LRRC4C: variants seen among roughly 807,000 people sequenced by gnomAD.
LRRC4C encodes leucine rich repeat containing 4C, also known as leucine-rich repeat-containing protein 4C.
In LRRC4C, 5 loss-of-function variants were observed where a neutral mutation model predicts 33.6. The ratio of observed to expected loss-of-function variants is 0.15; its 90% CI spans 0.08 to 0.31. LRRC4C has a LOEUF of 0.31. LRRC4C is among the 10% of genes least tolerant of loss of function. The pLI, the probability that LRRC4C is intolerant of heterozygous loss-of-function variation, is 1.00. For synonymous variants in LRRC4C, 329 were observed against 302.0 expected (o/e 1.09, Z -0.93); for missense variants, 560 against 796.7 (o/e 0.70, Z 3.58).
intron 2 of LRRC4C, among the ~76,000 whole-genome samples, chr11:40,811,589 C>T (rs1261282824): frequency 6.6e-6 from 1 of 152,144 alleles, no homozygotes; most frequent in Non-Finnish European, 1.5e-5. Flanking sequence ...CCTCTGCCTC[C>T]TGGATTCAAG....
chr11:40,559,855 C>A (rs571044441), intron 3 of LRRC4C, among the ~76,000 whole-genome samples: 1 of 151,868 alleles, frequency 6.6e-6, no homozygotes, highest in African/African-American at 2.4e-5. Context: ...GCTTGTTGGC[C>A]ACAAGATACA....
intron 1 of LRRC4C, among the ~76,000 whole-genome samples, chr11:41,381,406 T>A (rs1183449600): frequency 6.6e-6 from 1 of 152,044 alleles, no homozygotes; most frequent in Non-Finnish European, 1.5e-5. Context: ...GGCGGGCAGA[T>A]CACGAGGTCA....
At chr11:40,620,620 T>A (rs1962358773) in intron 3 of LRRC4C, among the ~76,000 whole-genome samples, 1 of 151,862 alleles carries the variant, frequency 6.6e-6, no homozygotes, top group African/African-American at 2.4e-5. Context: ...GAAGTGTGAA[T>A]AATTTTTTGT....
intron 3 of LRRC4C, among the ~76,000 whole-genome samples, chr11:40,498,113 G>A (rs908919633): frequency 5.9e-5 from 9 of 152,000 alleles, no homozygotes; most frequent in African/African-American, 2.2e-4. Flanking sequence ...TGGTTATAGA[G>A]ACCACCCGCT....
chr11:40,155,219 G>A (rs1433960374), intron 5 of LRRC4C, among the ~76,000 whole-genome samples: 3 of 152,016 alleles, frequency 2.0e-5, no homozygotes, highest in African/African-American at 7.2e-5. Context: ...GTTGGTAAGA[G>A]GAAAGTTTAT....
intron 4 of LRRC4C, among the ~76,000 whole-genome samples, chr11:40,264,198 G>A (rs918270124): frequency 1.8e-4 from 27 of 152,160 alleles, no homozygotes; most frequent in Non-Finnish European, 3.8e-4. Flanking sequence ...AGAGAGCACT[G>A]TGTGTCTCCA....
At chr11:40,351,364 T>C (rs1947375911) in intron 3 of LRRC4C, among the ~76,000 whole-genome samples, 1 of 151,992 alleles carries the variant, frequency 6.6e-6, no homozygotes, top group Non-Finnish European at 1.5e-5. Context: ...AGGAGAAGAA[T>C]GTGCATTCTG....
At chr11:40,582,783 C>T (rs1958531205) in intron 3 of LRRC4C, among the ~76,000 whole-genome samples, 3 of 151,978 alleles carry the variant, frequency 2.0e-5, no homozygotes. Flanking sequence ...TCCCAAAGTG[C>T]TGGGATTACA....
intron 3 of LRRC4C, among the ~76,000 whole-genome samples, chr11:40,640,328 A>C (rs975772257): frequency 3.9e-5 from 6 of 151,940 alleles, no homozygotes; most frequent in Admixed American, 3.9e-4. Context: ...TTTCTATCCT[A>C]TTTTGTCTTA....
chr11:41,412,819 G>T (rs1954538107), intron 1 of LRRC4C, among the ~76,000 whole-genome samples: 1 of 152,090 alleles, frequency 6.6e-6, no homozygotes, highest in Non-Finnish European at 1.5e-5. Flanking sequence ...TGTGGTTCAG[G>T]CCACTAATTC....
At chr11:40,683,570 A>C (rs959655164) in intron 2 of LRRC4C, among the ~76,000 whole-genome samples, 12 of 152,312 alleles carry the variant, frequency 7.9e-5, no homozygotes, top group Non-Finnish European at 1.0e-4. Flanking sequence ...TGACAGAGGA[A>C]AAAGGAGGGG....
intron 2 of LRRC4C, among the ~76,000 whole-genome samples, chr11:40,855,107 G>T (rs1480107361): frequency 3.3e-5 from 5 of 152,024 alleles, no homozygotes; most frequent in African/African-American, 1.2e-4. Flanking sequence ...AAAATGTCTG[G>T]AAATAAAGAC....
At chr11:41,206,606 C>T (rs1178511048) in intron 1 of LRRC4C, among the ~76,000 whole-genome samples, 1 of 152,084 alleles carries the variant, frequency 6.6e-6, no homozygotes, top group Non-Finnish European at 1.5e-5. Context: ...TGCCCCAGGC[C>T]CTACCACTTT....
intron 1 of LRRC4C, among the ~76,000 whole-genome samples, chr11:41,162,891 CAATT>C (rs781688584): frequency 5.9e-5 from 9 of 152,136 alleles, no homozygotes; most frequent in Non-Finnish European, 1.3e-4. Context: ...TCTTCAAAAA[CAATT>C]AACCTTAGTG....
chr11:41,126,307 ACTT>A (rs2135803089), intron 1 of LRRC4C, among the ~76,000 whole-genome samples: 1 of 152,126 alleles, frequency 6.6e-6, no homozygotes, highest in African/African-American at 2.4e-5. Flanking sequence ...AGGTTGTAAA[ACTT>A]CTTGTAAGAC....
At chr11:40,387,480 A>G (rs1473135107) in intron 3 of LRRC4C, among the ~76,000 whole-genome samples, 1 of 152,110 alleles carries the variant, frequency 6.6e-6, no homozygotes, top group African/African-American at 2.4e-5. Context: ...CCCATGACTA[A>G]CTCTTCAAGG....
chr11:41,318,487 A>G (rs540846706), intron 1 of LRRC4C, among the ~76,000 whole-genome samples: 74 of 152,164 alleles, frequency 4.9e-4, no homozygotes, highest in African/African-American at 1.7e-3. Context: ...CTCATAAGAG[A>G]TTGAAGGTGG....
chr11:40,700,787 T>G (rs1490562931), intron 2 of LRRC4C, among the ~76,000 whole-genome samples: 3 of 152,166 alleles, frequency 2.0e-5, no homozygotes, highest in African/African-American at 4.8e-5. Context: ...CTTTGACACC[T>G]AATTTAACAA....
At chr11:40,984,186 A>C (rs1852752919) in intron 1 of LRRC4C, among the ~76,000 whole-genome samples, 1 of 150,718 alleles carries the variant, frequency 6.6e-6, no homozygotes, top group Non-Finnish European at 1.5e-5. Context: ...AAGGAAAGGA[A>C]GGAAGGAAGG....
Sources: allele counts gnomAD v4.1 joint callset (sites outside exome capture counted in the v4.1 genomes callset), GRCh38; gene constraint gnomAD v4.1.1; transcripts MANE v1.5; gene names NCBI Gene and HGNC (gene_info 2026-07-23, HGNC 2026-07-21).